SRD5A2: variants seen among roughly 807,000 people sequenced by gnomAD.
SRD5A2 encodes 3-oxo-5-alpha-steroid 4-dehydrogenase 2.
In SRD5A2, 30 loss-of-function variants were observed where a neutral mutation model predicts 27.4. The observed-to-expected ratio is 1.10, with a 90% confidence interval of 0.82 to 1.49. SRD5A2 has a LOEUF of 1.49. SRD5A2 is among the 40% of genes most tolerant of loss of function. The probability of loss-of-function intolerance (pLI) is 0.00; values close to 1 mark genes in which losing one functional copy is unlikely to be tolerated. For synonymous variants in SRD5A2, 141 were observed against 133.6 expected, an observed-to-expected ratio of 1.06 and a Z score of -0.38; for missense variants, 348 against 323.4, an observed-to-expected ratio of 1.08 and a Z score of -0.58.
chr2:31,606,797 C>T, the SRD5A2 span, among the ~76,000 whole-genome samples: 1 of 151,856 alleles, frequency 6.6e-6, no homozygotes, highest in Admixed American at 6.6e-5. Context: ...TATTAGCTTG[C>T]TAAGGCTGCT....
chr2:31,610,074 T>C, the SRD5A2 span, among the ~76,000 whole-genome samples: 1 of 152,186 alleles, frequency 6.6e-6, no homozygotes, highest in Admixed American at 6.6e-5. Flanking sequence ...GCCTTCACTG[T>C]TAATTTCTGC....
At chr2:31,625,517 C>T in the SRD5A2 span, among the ~76,000 whole-genome samples, 1 of 152,012 alleles carries the variant, frequency 6.6e-6, no homozygotes, top group Non-Finnish European at 1.5e-5. Context: ...GTCTTTAATC[C>T]ATCTTGAATT....
intron 1 of SRD5A2, among the ~76,000 whole-genome samples, chr2:31,560,821 C>T (rs139707970): frequency 2.6e-4 from 39 of 152,210 alleles, no homozygotes; most frequent in South Asian, 6.2e-4. Context: ...CTTTGTTACT[C>T]GGTGTCTCCA....
chr2:31,623,156 T>C, the SRD5A2 span, among the ~76,000 whole-genome samples: 1 of 152,196 alleles, frequency 6.6e-6, no homozygotes, highest in Non-Finnish European at 1.5e-5. Flanking sequence ...GTACACTCAT[T>C]AGTCATTCCT....
At chr2:31,554,765 A>G (rs538043311) in intron 1 of SRD5A2, among the ~76,000 whole-genome samples, 2 of 152,282 alleles carry the variant, frequency 1.3e-5, no homozygotes, top group African/African-American at 4.8e-5. Context: ...CATTCCTTCC[A>G]TTACTCAAAT....
the SRD5A2 span, among the ~76,000 whole-genome samples, chr2:31,594,724 A>C: frequency 3.9e-5 from 6 of 152,268 alleles, no homozygotes; most frequent in South Asian, 1.2e-3. Flanking sequence ...AGGTATTTAC[A>C]AACATTCTAC....
the SRD5A2 span, among the ~76,000 whole-genome samples, chr2:31,603,535 A>T: frequency 6.6e-6 from 1 of 152,152 alleles, no homozygotes; most frequent in East Asian, 1.9e-4. Context: ...CAGTAATTCC[A>T]TTACTGGATA....
In SRD5A2 at chr2:31,526,105, G is replaced by GTATATATATATATATATATATA. The variant is rs768049608; in HGVS notation, c.*90_*91insTATATATATATATATATATATA. ...AGGAGACCTACTATTACATATATAC[G>GTATATATATATATATATATATA]GGACTATTATATCATGAAAATTACA... On this transcript the variant is annotated 3_prime_UTR_variant, in exon 5 of 5. Coordinates refer to ENST00000622030, the MANE Select transcript of SRD5A2 (RefSeq NM_000348.4). 1.3e-6 allele frequency: 1 copy of GTATATATATATATATATATATA among 794,134 alleles called. No individual in the cohort carries two copies. Among genetic ancestry groups the GTATATATATATATATATATATA allele is most frequent in the African/African-American group, 2.2e-5 (1 of 44,626 alleles). The allele number at this position is 794,134 out of a possible 1,614,324, so 49.2% of individuals were successfully genotyped here.
the SRD5A2 span, among the ~76,000 whole-genome samples, chr2:31,658,325 A>G: frequency 6.6e-6 from 1 of 152,048 alleles, no homozygotes; most frequent in Non-Finnish European, 1.5e-5. Flanking sequence ...AATGAGAAAA[A>G]CAAGAGCAAA....
At chr2:31,600,241 A>T in the SRD5A2 span, among the ~76,000 whole-genome samples, 5 of 152,020 alleles carry the variant, frequency 3.3e-5, no homozygotes, top group African/African-American at 1.2e-4. Flanking sequence ...ATTTGTGGGC[A>T]TTTAAGTTAA....
chr2:31,550,313 T>A (rs1311582800), intron 1 of SRD5A2, among the ~76,000 whole-genome samples: 1 of 151,844 alleles, frequency 6.6e-6, no homozygotes, highest in African/African-American at 2.4e-5. Context: ...AACATTTAAG[T>A]AATTAATACC....
intron 1 of SRD5A2, among the ~76,000 whole-genome samples, chr2:31,560,967 A>G (rs1292185969): frequency 2.0e-5 from 3 of 152,164 alleles, no homozygotes; most frequent in African/African-American, 7.2e-5. Context: ...TGCCCTCCCT[A>G]AAATATTGCT....
the SRD5A2 span, among the ~76,000 whole-genome samples, chr2:31,625,394 G>A: frequency 1.3e-5 from 2 of 152,142 alleles, no homozygotes; most frequent in Admixed American, 6.5e-5. Flanking sequence ...TTTGGCTTTT[G>A]TTGCCATTGC....
At chr2:31,609,653 C>G in the SRD5A2 span, among the ~76,000 whole-genome samples, 2 of 152,066 alleles carry the variant, frequency 1.3e-5, no homozygotes. Context: ...AAAGTCAAAA[C>G]TATAAAACTC....
the SRD5A2 span, among the ~76,000 whole-genome samples, chr2:31,628,102 G>A: frequency 5.9e-5 from 9 of 152,066 alleles, no homozygotes; most frequent in African/African-American, 2.2e-4. Context: ...ATTGTGGGAT[G>A]TCTTAATCTT....
chr2:31,526,616 T>C (rs923934420), intron 4 of SRD5A2, among the ~76,000 whole-genome samples: 14 of 152,102 alleles, frequency 9.2e-5, no homozygotes, highest in African/African-American at 3.1e-4. Context: ...AGGAGGTACT[T>C]GTTTGGATTC....
chr2:31,634,897 T>G, the SRD5A2 span, among the ~76,000 whole-genome samples: 24 of 152,300 alleles, frequency 1.6e-4, no homozygotes, highest in African/African-American at 5.3e-4. Flanking sequence ...AATATTCCAT[T>G]GGGTATATGT....
the SRD5A2 span, among the ~76,000 whole-genome samples, chr2:31,593,457 G>C: frequency 6.6e-6 from 1 of 152,026 alleles, no homozygotes; most frequent in Non-Finnish European, 1.5e-5. Flanking sequence ...TCGAAGACAA[G>C]GCTTTTGAAT....
At chr2:31,582,684 A>G (rs1034549476), upstream of SRD5A2, among the ~76,000 whole-genome samples, 3 of 152,234 alleles carry the variant, frequency 2.0e-5, no homozygotes, top group African/African-American at 7.2e-5. Context: ...GGAAAACTCC[A>G]CTTACATGTC....
Sources: allele counts gnomAD v4.1 joint callset (sites outside exome capture counted in the v4.1 genomes callset), GRCh38; gene constraint gnomAD v4.1.1; transcripts MANE v1.5; gene names NCBI Gene and HGNC (gene_info 2026-07-23, HGNC 2026-07-21).